Variants in TAMM41 observed in about 807,000 individuals in gnomAD.
The protein encoded by TAMM41 is phosphatidate cytidylyltransferase, mitochondrial.
TAMM41 carries 36 observed loss-of-function variants against 44.1 expected under a neutral mutation model. The observed-to-expected ratio is 0.82, with a 90% confidence interval of 0.63 to 1.08. The LOEUF (loss-of-function observed/expected upper bound fraction) is 1.08. TAMM41 is among the 50% of genes least tolerant of loss of function. The probability of loss-of-function intolerance (pLI) is 0.00; values close to 1 mark genes in which losing one functional copy is unlikely to be tolerated. For missense variants in TAMM41, 417 were observed against 404.3 expected (o/e 1.03, Z -0.27); for synonymous variants, 164 against 153.1 (o/e 1.07, Z -0.53).
the TAMM41 span, among the ~76,000 whole-genome samples, chr3:11,775,273 T>C: frequency 1.3e-5 from 2 of 152,156 alleles, no homozygotes; most frequent in African/African-American, 4.8e-5. Context: ...AATACTTTCC[T>C]TATAACTATC....
intron 4 of TAMM41, among the ~76,000 whole-genome samples, chr3:11,828,090 T>C (rs1316308644): frequency 1.3e-5 from 2 of 152,130 alleles, no homozygotes. Flanking sequence ...ATTTGGGTGG[T>C]TTGCCAAGGG....
chr3:11,751,396 C>T, the TAMM41 span, among the ~76,000 whole-genome samples: 1 of 152,132 alleles, frequency 6.6e-6, no homozygotes, highest in Non-Finnish European at 1.5e-5. Context: ...CTGGCCAAGA[C>T]TTTTCCTTAT....
chr3:11,787,706 G>C (rs190388929), downstream of TAMM41, among the ~76,000 whole-genome samples: 1 of 152,258 alleles, frequency 6.6e-6, no homozygotes, highest in East Asian at 1.9e-4. Flanking sequence ...CACCAAACCT[G>C]ACAGATGGGT....
At chr3:11,748,366 T>C in the TAMM41 span, among the ~76,000 whole-genome samples, 1 of 152,052 alleles carries the variant, frequency 6.6e-6, no homozygotes, top group African/African-American at 2.4e-5. Context: ...CACTGCAGCC[T>C]CTGCCTCCCA....
chr3:11,842,509 C>T (rs542569100), intron 2 of TAMM41, among the ~76,000 whole-genome samples: 1 of 151,172 alleles, frequency 6.6e-6, no homozygotes, highest in Admixed American at 6.6e-5. Flanking sequence ...GCCTGGGCAA[C>T]ATGGCAAAAC....
At chr3:11,809,852 T>C in intron 5 of TAMM41, 170 bp from the exon 6 acceptor site, 1 of 608,166 alleles carries the variant, frequency 1.6e-6, no homozygotes, top group Non-Finnish European at 2.8e-6. Context: ...TGGGTAAGTG[T>C]TCAGGAGTCT....
At chr3:11,736,094 T>C in the TAMM41 span, among the ~76,000 whole-genome samples, 1 of 152,118 alleles carries the variant, frequency 6.6e-6, no homozygotes, top group South Asian at 2.1e-4. Flanking sequence ...AAGAGAGCAA[T>C]GTACAATATC....
chr3:11,746,570 TC>T, the TAMM41 span, among the ~76,000 whole-genome samples: 1 of 151,704 alleles, frequency 6.6e-6, no homozygotes, highest in African/African-American at 2.4e-5. Context: ...CATGGGTGAA[TC>T]TTAGAAACAT....
chr3:11,776,572 G>C, the TAMM41 span, among the ~76,000 whole-genome samples: 3 of 152,146 alleles, frequency 2.0e-5, no homozygotes, highest in Non-Finnish European at 4.4e-5. Context: ...CGGAGCAGTA[G>C]GCCATCCCAT....
chr3:11,803,536 A>G lies in TAMM41; in HGVS notation c.937+4297T>C, dbSNP rs184589913. Among the ~76,000 whole-genome samples the G allele has an allele frequency of 2.6e-3, 393 of 152,300 alleles. 12 individuals are homozygous for G. The highest frequency in any genetic ancestry group is 0.019 in the Admixed American group (297 of 15,296). ...TCTTAAAGACCTAAAAATAGAATTA[A>G]CCTTTGATCTAGCAATCCCATTACT... On this transcript the variant is annotated intron_variant, in intron 7 of 7. Coordinates refer to ENST00000455809, the MANE Select transcript of TAMM41 (RefSeq NM_001284401.2).
In TAMM41 at chr3:11,815,553, TA is replaced by T. The variant is rs1266086300; in HGVS notation, c.708+1638del. ...ACTTCATAATGCCACAGCTCATCAA[TA>T]AAGAAAAGGCTGTCACAATAAAATA... On this transcript the variant is annotated intron_variant, in intron 5 of 7. Coordinates refer to ENST00000455809, the MANE Select transcript of TAMM41 (RefSeq NM_001284401.2). Among the ~76,000 whole-genome samples the T allele has an allele frequency of 3.2e-4, 49 of 151,978 alleles. 1 individual carries two copies. The highest frequency in any genetic ancestry group is 2.9e-5 in the Non-Finnish European group (2 of 67,966).
chr3:11,843,346 G>T (rs956376937), intron 2 of TAMM41, among the ~76,000 whole-genome samples: 1 of 152,192 alleles, frequency 6.6e-6, no homozygotes, highest in Non-Finnish European at 1.5e-5. Flanking sequence ...GAACTCTGGG[G>T]GTGGGGCCCA....
At chr3:11,812,365 GA>G (rs1432690155) in intron 5 of TAMM41, among the ~76,000 whole-genome samples, 2 of 152,228 alleles carry the variant, frequency 1.3e-5, no homozygotes, top group Admixed American at 1.3e-4. Flanking sequence ...GGCACAGCCT[GA>G]AGACACTGTC....
chr3:11,814,423 A>G (rs113717052), intron 5 of TAMM41, among the ~76,000 whole-genome samples: 5 of 152,196 alleles, frequency 3.3e-5, no homozygotes, highest in African/African-American at 1.2e-4. Flanking sequence ...ATTTTGGGAA[A>G]ATTAAAAATT....
chr3:11,764,376 G>T, the TAMM41 span, among the ~76,000 whole-genome samples: 6 of 151,752 alleles, frequency 4.0e-5, no homozygotes, highest in Admixed American at 3.9e-4. Context: ...GGCTTGTGAA[G>T]TGCCAGACCC....
intron 4 of TAMM41, 32 bp downstream of exon 4, chr3:11,829,682 T>C (rs2078901381): frequency 1.2e-6 from 2 of 1,611,642 alleles, no homozygotes; most frequent in Non-Finnish European, 8.5e-7. Context: ...AATCTCTCCC[T>C]TGTAGAACAT....
chr3:11,769,840 G>A, the TAMM41 span, among the ~76,000 whole-genome samples: 1 of 152,188 alleles, frequency 6.6e-6, no homozygotes, highest in East Asian at 1.9e-4. Flanking sequence ...GTGACTACAC[G>A]CCTCACGGCC....
the TAMM41 span, among the ~76,000 whole-genome samples, chr3:11,734,202 G>A: frequency 6.6e-6 from 1 of 152,186 alleles, no homozygotes; most frequent in African/African-American, 2.4e-5. Flanking sequence ...TGGGAGGAAT[G>A]CGAGGCACCC....
the TAMM41 span, among the ~76,000 whole-genome samples, chr3:11,776,921 G>C: frequency 6.6e-6 from 1 of 152,292 alleles, no homozygotes; most frequent in East Asian, 1.9e-4. Context: ...AAGACTGTGT[G>C]ATCTCACTTC....
Sources: gnomAD v4.1 joint callset for allele counts (sites outside exome capture counted in the v4.1 genomes callset) on GRCh38, gnomAD v4.1.1 for gene constraint, MANE v1.5 for transcripts, NCBI Gene and HGNC (gene_info 2026-07-23, HGNC 2026-07-21) for gene names.